Variants in SF3B3 observed in about 807,000 individuals in gnomAD.
SF3B3 encodes the protein SAP 130.
A neutral mutation model predicts 139.2 loss-of-function variants in SF3B3; 33 were observed. The observed-to-expected ratio is 0.24, with a 90% CI of 0.18 to 0.32. The LOEUF (loss-of-function observed/expected upper bound fraction) is 0.32. Among genes scored for constraint, SF3B3 ranks in the 10% least tolerant of loss-of-function variants. The probability of loss-of-function intolerance (pLI) is 1.00; values close to 1 mark genes in which losing one functional copy is unlikely to be tolerated. For missense variants in SF3B3, 818 were observed against 1,509.4 expected (o/e 0.54, Z 7.59); for synonymous variants, 596 against 563.6 (o/e 1.06, Z -0.81).
At chr16:70,553,211 C>T (rs1438981558) in intron 11 of SF3B3, among the ~76,000 whole-genome samples, 2 of 152,182 alleles carry the variant, frequency 1.3e-5, no homozygotes, top group African/African-American at 2.4e-5. Context: ...CATGAGCCAT[C>T]ATGCCTGGTC....
chr16:70,569,961 G>T, intron 23 of SF3B3, 45 bp from the exon 24 acceptor site: 1 of 1,611,222 alleles, frequency 6.2e-7, no homozygotes, highest in Non-Finnish European at 8.5e-7. Context: ...GTCCAGGGAG[G>T]CTCCTGAGGG....
At chr16:70,556,832 T>C in intron 14 of SF3B3, 54 bp from the exon 15 acceptor site, 1 of 1,603,908 alleles carries the variant, frequency 6.2e-7, no homozygotes, top group African/African-American at 1.3e-5. Context: ...TGGGTATGTT[T>C]TTTTCCTAAA....
At chr16:70,569,207 G>T in intron 23 of SF3B3, 66 bp downstream of exon 23, 1 of 1,147,878 alleles carries the variant, frequency 8.7e-7, no homozygotes. Context: ...CCTCACTGAA[G>T]AAATTGCCTT....
At chr16:70,545,720 A>G (rs1370160169) in intron 10 of SF3B3, among the ~76,000 whole-genome samples, 1 of 152,156 alleles carries the variant, frequency 6.6e-6, no homozygotes, top group Non-Finnish European at 1.5e-5. Context: ...CTTAATAGCT[A>G]TTACTAAGTT....
At chr16:70,548,569 C>A in intron 11 of SF3B3, 127 bp downstream of exon 11, 1 of 771,166 alleles carries the variant, frequency 1.3e-6, no homozygotes, top group South Asian at 1.6e-5. Flanking sequence ...AACTTTCTGG[C>A]CCAACACTGT....
chr16:70,560,528 C>G lies in SF3B3; in HGVS notation c.2070C>G (p.Arg690=). Residue 690 remains arginine (R), a synonymous_variant, in exon 16 of 26, where the codon CGC becomes CGG. Transcript: ENST00000302516. ...TCACTGGGGATTTGTCTGATACTCG[C>G]ACTCGGTACCTGGGGTCCCGTCCTG... ...DPVTGDLSDT[R]TRYLGSRPVK... 1 of 1,614,002 alleles carries G rather than the reference C, an allele frequency of 6.2e-7. No individual in the cohort carries two copies. The highest frequency in any genetic ancestry group is 8.5e-7 in the Non-Finnish European group (1 of 1,179,894).
At position 70,573,060 on chromosome 16, in the gene SF3B3, G is replaced by A. The variant is rs925142202; in HGVS notation, c.*1247G>A. On this transcript the variant is annotated 3_prime_UTR_variant, in exon 26 of 26. Coordinates refer to ENST00000302516, the MANE Select transcript of SF3B3 (RefSeq NM_012426.5). ...AATCAGGAATGGTGGAATACAATCT[G>A]AACCTCTCAGAGCCCAGAACAGAGG... 2.0e-5 allele frequency: 3 copies of A among 152,214 alleles called. No individual in the cohort carries two copies. Among genetic ancestry groups the A allele is most frequent in the African/African-American group, 7.2e-5 (3 of 41,446 alleles). The allele number at this position is 152,214 out of a possible 1,614,324, so 9.4% of individuals were successfully genotyped here. A position where few individuals can be genotyped will look rare whatever the true frequency, so the allele number is the denominator to read the frequency against.
intron 6 of SF3B3, chr16:70,537,891 T>C (rs1778485503): frequency 5.1e-6 from 2 of 391,608 alleles, no homozygotes; most frequent in South Asian, 3.8e-5. Flanking sequence ...CTGGGCAACA[T>C]AGTGAGACCT....
chr16:70,539,083 G>C (rs1177398639), intron 7 of SF3B3, 21 bp from the exon 8 acceptor site: 1 of 1,552,470 alleles, frequency 6.4e-7, no homozygotes, highest in African/African-American at 1.4e-5. Context: ...TTGTACACCA[G>C]AATGTTTCTT....
chr16:70,565,233 G>T lies in SF3B3; in HGVS notation c.2632G>T (p.Asp878Tyr). Reference sequence around the variant, plus strand: ...GAATCCCATTCAAGGGAACACACTGGACCTTGTCCAGCTGGAACAGAATGA... The same window carrying T: ...GAATCCCATTCAAGGGAACACACTGTACCTTGTCCAGCTGGAACAGAATGA... ...VMNPIQGNTL[D>Y]LVQLEQNEAA... The change falls in exon 19 of 26, where the codon GAC becomes TAC. Residue 878 changes from aspartate to tyrosine, a missense_variant. Asp to Tyr is a radical substitution (Grantham distance 160). Around this residue, in one of 14 missense-constraint regions of SF3B3, gnomAD observed 145 missense variants for 153.6 expected, o/e 0.94. Transcript: ENST00000302516. 6.2e-7 allele frequency: 1 copy of T among 1,614,186 alleles called. No individual in the cohort carries two copies. Among genetic ancestry groups the T allele is most frequent in the Non-Finnish European group, 8.5e-7 (1 of 1,180,036 alleles).
rs548861411 is a variant in SF3B3, at chr16:70,528,820, G to C, written c.71-53G>C. 1.2e-4 allele frequency: 169 copies of C among 1,365,740 alleles called. 1 individual carries two copies. In the Middle Eastern group the frequency reaches 5.9e-3, roughly 48 times the overall value. The allele number at this position is 1,365,740 out of a possible 1,614,324, so 84.6% of individuals were successfully genotyped here. On this transcript the variant is annotated intron_variant, in intron 2 of 25. Transcript: ENST00000302516. Reference sequence around the variant, plus strand: ...TTTAGTAGAGACGGGGTTTCACCATGGTGGCCAGGCTGGGTTCTGGTTGTT... The same window carrying C: ...TTTAGTAGAGACGGGGTTTCACCATCGTGGCCAGGCTGGGTTCTGGTTGTT...
At chr16:70,533,830 T>C (rs1170409437) in intron 5 of SF3B3, among the ~76,000 whole-genome samples, 1 of 152,236 alleles carries the variant, frequency 6.6e-6, no homozygotes, top group Non-Finnish European at 1.5e-5. Flanking sequence ...AGCAGATGAA[T>C]TTTTGATCAC....
chr16:70,541,623 G>T, intron 8 of SF3B3, 46 bp from the exon 9 acceptor site: 2 of 1,513,246 alleles, frequency 1.3e-6, no homozygotes, highest in Non-Finnish European at 1.8e-6. Flanking sequence ...TTATCGTCAG[G>T]CAGAGAACTC....
In SF3B3 at chr16:70,567,512, G is replaced by C; in HGVS notation, c.2928G>C (p.Lys976Asn). ...LLRVYDLGKK[K>N]LLRKCENKHI... ...GTGTCTATGACCTGGGAAAGAAGAA[G>C]TTACTCCGAAAATGTGAGAATAAGG... The change falls in exon 21 of 26, where the codon AAG becomes AAC. Residue 976 changes from lysine to asparagine, a missense_variant. Physicochemically the swap from Lys to Asn is moderately conservative, Grantham distance 94 (BLOSUM62 0). Transcript: ENST00000302516. 6.2e-7 allele frequency: 1 copy of C among 1,613,990 alleles called. No individual in the cohort carries two copies. Among genetic ancestry groups the C allele is most frequent in the Non-Finnish European group, 8.5e-7 (1 of 1,179,960 alleles).
At chr16:70,530,650 G>T (rs2050112715) in intron 3 of SF3B3, 95 bp from the exon 4 acceptor site, 1 of 1,047,506 alleles carries the variant, frequency 9.5e-7, no homozygotes, top group African/African-American at 1.6e-5. Context: ...TGTTAATAAT[G>T]ATTAAAAGAA....
chr16:70,567,695 T>C (rs983988876), intron 21 of SF3B3, among the ~76,000 whole-genome samples, 159 bp downstream of exon 21: 6 of 152,340 alleles, frequency 3.9e-5, no homozygotes, highest in African/African-American at 1.2e-4. Flanking sequence ...TTTTTGTTTT[T>C]TGGTTTTTGA....
rs568600227 is a variant in SF3B3, at chr16:70,573,421, G to A, written c.*1608G>A. 2 of 152,162 alleles carry A rather than the reference G, an allele frequency of 1.3e-5. No individual in the cohort carries two copies. The highest frequency in any genetic ancestry group is 1.5e-5 in the Non-Finnish European group (1 of 68,008). The allele number at this position is 152,162 out of a possible 1,614,324, so 9.4% of individuals were successfully genotyped here. A position where few individuals can be genotyped will look rare whatever the true frequency, so the allele number is the denominator to read the frequency against. Reference sequence around the variant, plus strand: ...AGTTTGACTAAAATACATACACTCCGTACAGAAGGTAGGGGGTTATGTAAG... The same window carrying A: ...AGTTTGACTAAAATACATACACTCCATACAGAAGGTAGGGGGTTATGTAAG... On this transcript the variant is annotated 3_prime_UTR_variant, in exon 26 of 26. Transcript: ENST00000302516.
At chr16:70,553,529 T>G (rs949053814) in intron 11 of SF3B3, among the ~76,000 whole-genome samples, 8 of 152,210 alleles carry the variant, frequency 5.3e-5, no homozygotes, top group African/African-American at 1.7e-4. Flanking sequence ...AAAATTCAAA[T>G]GTAAACTAGG....
intron 15 of SF3B3, 99 bp downstream of exon 15, chr16:70,557,128 A>G: frequency 7.7e-7 from 1 of 1,291,090 alleles, no homozygotes; most frequent in Non-Finnish European, 1.1e-6. Context: ...CCATGGTTTC[A>G]GATCCTCACC....
Sources: gnomAD v4.1 joint callset for allele counts (sites outside exome capture counted in the v4.1 genomes callset) on GRCh38, gnomAD v4.1.1 for gene constraint, gnomAD v4.1.1 regional missense constraint, MANE v1.5 for transcripts, NCBI Gene and HGNC (gene_info 2026-07-23, HGNC 2026-07-21) for gene names.